Variants in RYR2 observed in about 807,000 individuals in gnomAD.
RYR2 encodes the protein cardiac muscle ryanodine receptor-calcium release channel.
In RYR2, 227 loss-of-function variants were observed where a neutral mutation model predicts 601.1. The ratio of observed to expected loss-of-function variants is 0.38; its 90% CI spans 0.34 to 0.42. RYR2 has a LOEUF of 0.42. Among genes scored for constraint, RYR2 ranks in the 10% least tolerant of loss-of-function variants. The pLI, the probability that RYR2 is intolerant of heterozygous loss-of-function variation, is 1.00. For synonymous variants in RYR2, 2,223 were observed against 2,175.1 expected, an observed-to-expected ratio of 1.02 and a Z score of -0.61; for missense variants, 4,646 against 6,156.5, an observed-to-expected ratio of 0.75 and a Z score of 8.21.
Position 237,503,350 on chromosome 1 carries a change from G to A in RYR2, c.2458G>A (p.Ala820Thr). 4 of 1,613,924 alleles carry A rather than the reference G, an allele frequency of 2.5e-6. No individual in the cohort carries two copies. The highest frequency in any genetic ancestry group is 3.4e-6 in the Non-Finnish European group (4 of 1,179,886). The change falls in exon 22 of 105, where the codon GCT becomes ACT. Residue 820 changes from alanine (A) to threonine (T), a missense_variant. Physicochemically the swap from Ala to Thr is moderately conservative, Grantham distance 58. This residue lies in a region of RYR2 where 1,807 missense variants were observed against 2,088.1 expected (regional missense o/e 0.87). Coordinates refer to ENST00000366574, the MANE Select transcript of RYR2 (RefSeq NM_001035.3). ...CAAATTTCTTCCTCCACCTGGGTAT[G>A]CTCCTTGTTATGAAGCTGTTCTGCC... ...EFKFLPPPGY[A>T]PCYEAVLPKE...
chr1:237,776,401 A>G (rs1302024108), intron 87 of RYR2, among the ~76,000 whole-genome samples: 5 of 152,288 alleles, frequency 3.3e-5, no homozygotes, highest in African/African-American at 1.2e-4. Context: ...TGCTTTGTCG[A>G]CCATTTCTTT....
chr1:237,211,321 T>C (rs762853937), intron 1 of RYR2, among the ~76,000 whole-genome samples: 1 of 152,248 alleles, frequency 6.6e-6, no homozygotes, highest in Non-Finnish European at 1.5e-5. Flanking sequence ...ATCAATGTGC[T>C]CTGCAGTGAT....
At chr1:237,259,607 A>G (rs1688328405) in intron 1 of RYR2, among the ~76,000 whole-genome samples, 1 of 152,068 alleles carries the variant, frequency 6.6e-6, no homozygotes, top group Admixed American at 6.6e-5. Context: ...TAAGCCTACT[A>G]ATGAAATATC....
rs1408879064 is a variant in RYR2 at position 237,717,218 on chromosome 1, A to G, written c.10344A>G (p.Glu3448=). Residue 3448 remains glutamate, a synonymous_variant, in exon 72 of 105, where the codon GAA becomes GAG. Coordinates refer to ENST00000366574, the MANE Select transcript of RYR2 (RefSeq NM_001035.3). ...KMSKAAVSDQ[E]RKKMKRKGDR... Reference sequence around the variant, plus strand: ...CATAGGCAGCTGTTTCTGATCAGGAAAGGAAGAAAATGAAGCGCAAAGGAG... The same window carrying G: ...CATAGGCAGCTGTTTCTGATCAGGAGAGGAAGAAAATGAAGCGCAAAGGAG... 51 of 1,613,636 alleles carry G rather than the reference A, an allele frequency of 3.2e-5. No homozygotes were observed. Among genetic ancestry groups the G allele is most frequent in the Non-Finnish European group, 4.3e-5 (51 of 1,179,680 alleles).
rs1681423575 is a variant in RYR2 at position 237,641,130 on chromosome 1, T to C, written c.7221+128T>C. On this transcript the variant is annotated intron_variant, in intron 47 of 104. Transcript: ENST00000366574. Reference sequence around the variant, plus strand: ...GCTCCATTAAAAATAATAGCTGCAGTCTAATCACTGAACAAGTGTTTGTTT... The same window carrying C: ...GCTCCATTAAAAATAATAGCTGCAGCCTAATCACTGAACAAGTGTTTGTTT... 5 of 567,066 alleles carry C rather than the reference T, an allele frequency of 8.8e-6. No homozygotes were observed. In the East Asian group the frequency reaches 1.5e-4, roughly 17 times the overall value. The allele number at this position is 567,066 out of a possible 1,614,324, so 35.1% of individuals were successfully genotyped here.
At chr1:237,725,904 T>C (rs1465728060) in intron 74 of RYR2, among the ~76,000 whole-genome samples, 1 of 152,088 alleles carries the variant, frequency 6.6e-6, no homozygotes, top group African/African-American at 2.4e-5. Flanking sequence ...ATCTACAGAC[T>C]GGGGTCTCAA....
intron 3 of RYR2, among the ~76,000 whole-genome samples, chr1:237,339,742 A>G (rs1254038500): frequency 5.9e-5 from 9 of 152,154 alleles, no homozygotes; most frequent in Non-Finnish European, 2.9e-5. Context: ...TTCACAGGCT[A>G]GCTTCCCTCA....
intron 35 of RYR2, among the ~76,000 whole-genome samples, chr1:237,604,895 A>G (rs879799739): frequency 9.9e-5 from 15 of 152,130 alleles, no homozygotes; most frequent in Non-Finnish European, 2.2e-4. Flanking sequence ...CCCTGAATAG[A>G]CCAATAACAG....
chr1:237,463,473 A>G (rs1419799631), intron 16 of RYR2, among the ~76,000 whole-genome samples: 3 of 152,158 alleles, frequency 2.0e-5, no homozygotes, highest in Admixed American at 1.3e-4. Context: ...CGGGGATAGG[A>G]TGATACTAAT....
chr1:237,665,873 G>T (rs1367781149), intron 56 of RYR2, among the ~76,000 whole-genome samples: 2 of 152,152 alleles, frequency 1.3e-5, no homozygotes, highest in Non-Finnish European at 2.9e-5. Context: ...TTTATAAGCA[G>T]GAACCAGAGC....
chr1:237,421,093 G>A (rs758296727), intron 11 of RYR2, among the ~76,000 whole-genome samples: 2 of 152,142 alleles, frequency 1.3e-5, no homozygotes, highest in Non-Finnish European at 2.9e-5. Flanking sequence ...ACAAAAGTTA[G>A]CCGGGCGCGG....
chr1:237,571,244 T>C (rs1672653992), intron 29 of RYR2, among the ~76,000 whole-genome samples: 1 of 152,124 alleles, frequency 6.6e-6, no homozygotes, highest in South Asian at 2.1e-4. Flanking sequence ...TGTATATATA[T>C]TTGCATATAT....
intron 29 of RYR2, among the ~76,000 whole-genome samples, chr1:237,579,724 T>C (rs1369340650): frequency 6.6e-6 from 1 of 152,194 alleles, no homozygotes; most frequent in African/African-American, 2.4e-5. Flanking sequence ...TAACATGTCA[T>C]ATGCTCACCT....
At chr1:237,602,312 C>T (rs1236639441) in intron 35 of RYR2, among the ~76,000 whole-genome samples, 1 of 151,772 alleles carries the variant, frequency 6.6e-6, no homozygotes, top group Non-Finnish European at 1.5e-5. Context: ...CTTTAGTTAT[C>T]ATATGTATAT....
intron 101 of RYR2, among the ~76,000 whole-genome samples, chr1:237,822,824 G>A (rs1039200135): frequency 6.6e-6 from 1 of 152,098 alleles, no homozygotes; most frequent in Non-Finnish European, 1.5e-5. Context: ...AAAATAAAGG[G>A]ACTGAGGAAT....
intron 2 of RYR2, among the ~76,000 whole-genome samples, chr1:237,284,711 C>T (rs1198520375): frequency 7.1e-6 from 1 of 140,644 alleles, no homozygotes; most frequent in Non-Finnish European, 1.6e-5. Context: ...TAAACACCCC[C>T]CCACACACAC....
chr1:237,660,915 A>G lies in RYR2; in HGVS notation c.8404A>G (p.Asn2802Asp). 6.7e-7 allele frequency: 1 copy of G among 1,482,558 alleles called. No individual in the cohort carries two copies. Among genetic ancestry groups the G allele is most frequent in the Non-Finnish European group, 9.0e-7 (1 of 1,111,340 alleles). The allele number at this position is 1,482,558 out of a possible 1,614,324, so 91.8% of individuals were successfully genotyped here. A position where few individuals can be genotyped will look rare whatever the true frequency, so the allele number is the denominator to read the frequency against. Reference sequence around the variant, plus strand: ...GGAGGGAGACAGCATGGCCCTTTACAACCGGACTCGTCGTATTTCTCAGAC... The same window carrying G: ...GGAGGGAGACAGCATGGCCCTTTACGACCGGACTCGTCGTATTTCTCAGAC... ...TREGDSMALY[N>D]RTRRISQTSQ... is the part of the protein sequence containing the mutation. The change falls in exon 56 of 105, where the codon AAC (asparagine) becomes GAC (aspartate). Residue 2802 changes from asparagine to aspartate, a missense_variant. This residue lies in a region of RYR2 where 1,497 missense variants were observed against 1,842.6 expected (regional missense o/e 0.81). Coordinates refer to ENST00000366574, the MANE Select transcript of RYR2 (RefSeq NM_001035.3).
intron 2 of RYR2, among the ~76,000 whole-genome samples, chr1:237,292,024 G>A (rs1692266371): frequency 6.6e-6 from 1 of 152,074 alleles, no homozygotes; most frequent in African/African-American, 2.4e-5. Context: ...AGGGGGCAGA[G>A]GTATATGGGA....
intron 24 of RYR2, among the ~76,000 whole-genome samples, chr1:237,524,121 A>G (rs1667350503): frequency 6.6e-6 from 1 of 152,224 alleles, no homozygotes; most frequent in Non-Finnish European, 1.5e-5. Context: ...TGTTCACAGA[A>G]GCATTATTCA....
Sources: allele counts gnomAD v4.1 joint callset (sites outside exome capture counted in the v4.1 genomes callset), GRCh38; gene constraint gnomAD v4.1.1; regional missense constraint gnomAD v4.1.1; transcripts MANE v1.5; gene names NCBI Gene and HGNC (gene_info 2026-07-23, HGNC 2026-07-21).